Variants in GRIN2A observed in about 807,000 individuals in gnomAD.
GRIN2A encodes glutamate receptor ionotropic, NMDA 2A.
Under a neutral mutation model 113.4 loss-of-function variants are expected in GRIN2A, and 22 were observed. The observed-to-expected ratio is 0.19, with a 90% CI of 0.14 to 0.28. The LOEUF is 0.28. Among genes scored for constraint, GRIN2A ranks in the 10% least tolerant of loss-of-function variants. The pLI is 1.00. For synonymous variants in GRIN2A, 827 were observed against 738.4 expected (o/e 1.12, Z -1.94); for missense variants, 1,502 against 1,887.0 (o/e 0.80, Z 3.78).
Position 9,759,814 on chromosome 16 carries a change from T to C in GRIN2A, c.*3335A>G, listed in dbSNP as rs549779961. 2.6e-5 allele frequency: 6 copies of C among 229,322 alleles called. No homozygotes were observed. The highest frequency in any genetic ancestry group is 6.2e-5 in the East Asian group (1 of 16,094). 14.2% of individuals were successfully genotyped at this position (229,322 alleles called of 1,614,324 possible). A position where few individuals can be genotyped will look rare whatever the true frequency, so the allele number is the denominator to read the frequency against. Reference sequence around the variant, plus strand: ...TATAGGGACTTGCCAGCTCAGAGCATTGAAACCATAAGTGGCCTAAGAACC... The same window carrying C: ...TATAGGGACTTGCCAGCTCAGAGCACTGAAACCATAAGTGGCCTAAGAACC... On this transcript the variant is annotated 3_prime_UTR_variant, in exon 13 of 13. Coordinates refer to ENST00000330684, the MANE Select transcript of GRIN2A (RefSeq NM_001134407.3).
intron 3 of GRIN2A, among the ~76,000 whole-genome samples, chr16:9,916,361 C>G (rs957471088): frequency 9.2e-5 from 14 of 152,176 alleles, no homozygotes; most frequent in African/African-American, 3.4e-4. Flanking sequence ...AAACATCACC[C>G]AACTTCTCAA....
At chr16:9,987,461 G>A (rs2046001716) in intron 2 of GRIN2A, among the ~76,000 whole-genome samples, 1 of 152,166 alleles carries the variant, frequency 6.6e-6, no homozygotes, top group African/African-American at 2.4e-5. Flanking sequence ...AAGAATAGTA[G>A]CTACCTGATA....
At chr16:9,880,690 T>A (rs1406544912) in intron 4 of GRIN2A, among the ~76,000 whole-genome samples, 4 of 152,230 alleles carry the variant, frequency 2.6e-5, no homozygotes, top group Non-Finnish European at 5.9e-5. Context: ...CTTCTCCAGA[T>A]GGGCCTTGGG....
chr16:9,845,036 T>C (rs2042747566), intron 5 of GRIN2A, among the ~76,000 whole-genome samples: 1 of 152,164 alleles, frequency 6.6e-6, no homozygotes, highest in South Asian at 2.1e-4. Flanking sequence ...ACGTTCCCTA[T>C]AGGAAATGCA....
intron 2 of GRIN2A, among the ~76,000 whole-genome samples, chr16:10,098,575 T>G (rs1198770872): frequency 6.6e-6 from 1 of 152,148 alleles, no homozygotes. Context: ...AATCGACAAG[T>G]GGCTAAACAA....
At chr16:10,102,537 C>A (rs1177347325) in intron 2 of GRIN2A, among the ~76,000 whole-genome samples, 1 of 151,818 alleles carries the variant, frequency 6.6e-6, no homozygotes, top group Non-Finnish European at 1.5e-5. Context: ...TTCTTTTTTT[C>A]TTTTTTTTCT....
intron 2 of GRIN2A, among the ~76,000 whole-genome samples, chr16:10,071,547 A>C (rs986108407): frequency 3.3e-5 from 5 of 152,202 alleles, no homozygotes; most frequent in Non-Finnish European, 5.9e-5. Flanking sequence ...CCCCAGGATG[A>C]AGCTATACCT....
chr16:10,066,361 C>A (rs2047648857), intron 2 of GRIN2A, among the ~76,000 whole-genome samples: 1 of 152,150 alleles, frequency 6.6e-6, no homozygotes, highest in Non-Finnish European at 1.5e-5. Flanking sequence ...ACATCACCAA[C>A]TTATTTATCT....
chr16:10,088,193 C>T (rs572343659), intron 2 of GRIN2A, among the ~76,000 whole-genome samples: 182 of 152,234 alleles, frequency 1.2e-3, no homozygotes, highest in Non-Finnish European at 2.1e-3. Flanking sequence ...GTTTGCACAT[C>T]CCAGGCTCAG....
At chr16:9,838,738 AT>A (rs1312991022) in intron 7 of GRIN2A, among the ~76,000 whole-genome samples, 1 of 152,120 alleles carries the variant, frequency 6.6e-6, no homozygotes, top group African/African-American at 2.4e-5. Flanking sequence ...ATGTGATCTT[AT>A]TTTTTTAGCA....
intron 2 of GRIN2A, among the ~76,000 whole-genome samples, chr16:9,986,694 G>C (rs1029270829): frequency 1.3e-5 from 2 of 148,320 alleles, no homozygotes; most frequent in African/African-American, 5.0e-5. Context: ...AAACTCAGGA[G>C]ACGGAGGTTG....
chr16:9,996,221 G>T (rs138847322), intron 2 of GRIN2A, among the ~76,000 whole-genome samples: 2 of 152,044 alleles, frequency 1.3e-5, no homozygotes, highest in Non-Finnish European at 2.9e-5. Flanking sequence ...ACAGAGTTAC[G>T]TAGGGTGGAA....
At chr16:10,093,618 GA>G (rs199838522) in intron 2 of GRIN2A, among the ~76,000 whole-genome samples, 8 of 145,406 alleles carry the variant, frequency 5.5e-5, no homozygotes, top group African/African-American at 7.6e-5. Flanking sequence ...GCAACAAAGT[GA>G]AAAAAAAAAA....
At chr16:9,866,912 C>T (rs1426244256) in intron 4 of GRIN2A, among the ~76,000 whole-genome samples, 5 of 152,144 alleles carry the variant, frequency 3.3e-5, no homozygotes, top group Non-Finnish European at 7.4e-5. Flanking sequence ...CTTAGAACTG[C>T]TTGACTCAAA....
chr16:9,884,564 A>G (rs1037398872), intron 4 of GRIN2A, among the ~76,000 whole-genome samples: 15 of 152,070 alleles, frequency 9.9e-5, no homozygotes, highest in African/African-American at 3.6e-4. Context: ...AAATAAATAA[A>G]TAATAAAATA....
At chr16:10,054,401 T>C (rs1316671623) in intron 2 of GRIN2A, among the ~76,000 whole-genome samples, 2 of 152,204 alleles carry the variant, frequency 1.3e-5, no homozygotes, top group African/African-American at 2.4e-5. Flanking sequence ...AATACAAAGA[T>C]TTAAAGAGAT....
At chr16:9,852,511 A>G (rs888310573) in intron 4 of GRIN2A, among the ~76,000 whole-genome samples, 2 of 152,130 alleles carry the variant, frequency 1.3e-5, no homozygotes, top group African/African-American at 4.8e-5. Context: ...AGAGTGCAAT[A>G]ACTTCCTAAA....
intron 2 of GRIN2A, among the ~76,000 whole-genome samples, chr16:10,144,270 A>T (rs535305637): frequency 2.0e-5 from 3 of 152,330 alleles, no homozygotes; most frequent in Admixed American, 6.5e-5. Flanking sequence ...ATTAGCACCA[A>T]CAGTGTACAA....
At chr16:10,033,428 T>C (rs538410657) in intron 2 of GRIN2A, among the ~76,000 whole-genome samples, 19 of 151,872 alleles carry the variant, frequency 1.3e-4, no homozygotes, top group Non-Finnish European at 2.2e-4. Context: ...AGCAAGAAAA[T>C]TGGCAATTGT....
Sources: gnomAD v4.1 joint callset for allele counts (sites outside exome capture counted in the v4.1 genomes callset) on GRCh38, gnomAD v4.1.1 for gene constraint, MANE v1.5 for transcripts, NCBI Gene and HGNC (gene_info 2026-07-23, HGNC 2026-07-21) for gene names.